DIP2A: variants seen among roughly 807,000 people sequenced by gnomAD.
The protein encoded by DIP2A is DIP2 acetate--CoA ligase A, also known as disco-interacting protein 2 homolog A.
A neutral mutation model predicts 177.4 loss-of-function variants in DIP2A; 85 were observed. That is an observed-to-expected ratio of 0.48 (90% CI 0.40 to 0.57). DIP2A has a LOEUF of 0.57. Ranked by LOEUF, DIP2A falls within the 20% of genes least tolerant of loss-of-function variation. The pLI is 0.00. For synonymous variants in DIP2A, 886 were observed against 881.8 expected (o/e 1.00, Z -0.08); for missense variants, 1,791 against 2,100.2 (o/e 0.85, Z 2.88).
the DIP2A span, among the ~76,000 whole-genome samples, chr21:46,576,786 G>A: frequency 1.3e-5 from 2 of 152,126 alleles, no homozygotes; most frequent in Non-Finnish European, 2.9e-5. Flanking sequence ...ACCAGCATCT[G>A]TTGTTTTTTG....
chr21:46,468,289 G>A (rs973426445), intron 1 of DIP2A, among the ~76,000 whole-genome samples: 1 of 148,818 alleles, frequency 6.7e-6, no homozygotes, highest in African/African-American at 2.5e-5. Flanking sequence ...AAAGCTGGGT[G>A]TGGTGGTGCA....
chr21:46,469,592 G>T (rs933503409), intron 1 of DIP2A, among the ~76,000 whole-genome samples: 19 of 152,342 alleles, frequency 1.2e-4, no homozygotes, highest in Admixed American at 4.6e-4. Context: ...TCATCGCCAT[G>T]CTGTGGGTCC....
At chr21:46,521,825 A>T (rs1464848496) in intron 8 of DIP2A, among the ~76,000 whole-genome samples, 1 of 152,190 alleles carries the variant, frequency 6.6e-6, no homozygotes, top group Non-Finnish European at 1.5e-5. Context: ...ACTTGCTCAA[A>T]CCTTCAGCAT....
At position 46,556,722 on chromosome 21, in the gene DIP2A, C is replaced by T. The variant is rs111741145; in HGVS notation, c.3499-217C>T. ...GAAAAAAATTTTAAAAATTCATTAC[C>T]CTGAAATTTTGTTTCAAAGATTTTT... On this transcript the variant is annotated intron_variant, in intron 29 of 37. Coordinates refer to ENST00000417564, the MANE Select transcript of DIP2A (RefSeq NM_015151.4). This position sits in a 1 kb window ranked among gnomAD's most constrained non-coding sequence, Gnocchi z 4.5. The T allele has an allele frequency of 1.6e-4, 83 of 531,032 alleles. No individual in the cohort carries two copies. Among genetic ancestry groups the T allele is most frequent in the African/African-American group, 1.3e-3 (69 of 51,952 alleles). 32.9% of individuals were successfully genotyped at this position (531,032 alleles called of 1,614,324 possible).
chr21:46,511,437 C>T lies in DIP2A; in HGVS notation c.925C>T (p.Gln309Ter), dbSNP rs1298994657. The T allele has an allele frequency of 6.2e-7, 1 of 1,611,004 alleles. No homozygotes were observed. The stretch of plus-strand genomic sequence containing the variant: ...TGTAGTTCAGCAACCAGATCCAAAT[C>T]AGCCAAAGCCTGAGGGAAGCGAGAC... The part of the protein sequence containing the change: ...LLEVQQPDPN[Q>*]PKPEGSETSV... The change falls in exon 8 of 38, where the codon CAG becomes TAG. Residue 309 changes from glutamine (Q) to a stop codon, truncating the protein, a stop_gained. Coordinates refer to ENST00000417564, the MANE Select transcript of DIP2A (RefSeq NM_015151.4). LOFTEE classifies it high-confidence loss of function.
At chr21:46,542,962 T>C (rs963341658) in intron 18 of DIP2A, among the ~76,000 whole-genome samples, 19 of 152,240 alleles carry the variant, frequency 1.2e-4, no homozygotes, top group Non-Finnish European at 2.9e-5. Flanking sequence ...CAGCCATCTC[T>C]AACCTGGAGC....
At chr21:46,517,638 A>G (rs1052569945) in intron 8 of DIP2A, among the ~76,000 whole-genome samples, 3 of 152,008 alleles carry the variant, frequency 2.0e-5, no homozygotes, top group African/African-American at 7.2e-5. Context: ...CTTCTTAACA[A>G]CCCCATTCTG....
chr21:46,492,740 A>C (rs1227248352), intron 3 of DIP2A, among the ~76,000 whole-genome samples: 1 of 152,184 alleles, frequency 6.6e-6, no homozygotes, highest in African/African-American at 2.4e-5. Flanking sequence ...AAGCAGGCGG[A>C]GACCAGCCTG....
At chr21:46,488,610 G>T (rs978821925) in intron 2 of DIP2A, among the ~76,000 whole-genome samples, 1 of 152,196 alleles carries the variant, frequency 6.6e-6, no homozygotes, top group Admixed American at 6.5e-5. Flanking sequence ...CTCAGTGGTA[G>T]ATATGGAAAT....
intron 1 of DIP2A, among the ~76,000 whole-genome samples, chr21:46,473,469 G>A (rs970783899): frequency 1.4e-5 from 2 of 138,494 alleles, no homozygotes; most frequent in African/African-American, 2.8e-5. Flanking sequence ...AAAAAAAAAG[G>A]GGGGGGGGCC....
chr21:46,533,736 T>G, intron 11 of DIP2A, 89 bp downstream of exon 11: 1 of 1,555,740 alleles, frequency 6.4e-7, no homozygotes, highest in South Asian at 1.2e-5. Flanking sequence ...ATGACAGAGG[T>G]GTCTGGGTCT....
chr21:46,554,589 G>A lies in DIP2A; in HGVS notation c.3169G>A (p.Ala1057Thr). 6.2e-7 allele frequency: 1 copy of A among 1,611,868 alleles called. No homozygotes were observed. The highest frequency in any genetic ancestry group is 2.2e-5 in the East Asian group (1 of 44,814). Residue 1057 changes from alanine to threonine, a missense_variant, in exon 27 of 38, where the codon GCC (alanine) becomes ACC (threonine). Transcript: ENST00000417564. Reference sequence around the variant, plus strand: ...TGTCTCCACAGGGGTGGACCTCATTGCCGCGTTCTATGGCTGCTTGTACTG... The same window carrying A: ...TGTCTCCACAGGGGTGGACCTCATTACCGCGTTCTATGGCTGCTTGTACTG... ...LVYPPGVDLI[A>T]AFYGCLYCGC...
rs75343311 is a variant in DIP2A, at chr21:46,522,651, A to G, written c.1103-6441A>G. 6.1e-3 allele frequency among the ~76,000 whole-genome samples: 930 copies of G among 152,288 alleles called. 10 individuals are homozygous for G. Among genetic ancestry groups the G allele is most frequent in the African/African-American group, 0.021 (890 of 41,552 alleles). Reference sequence around the variant, plus strand: ...AACTGCCATTAGCTACCCCCAAAGTATATTTCCTCCCTAGTTATTACACCA... The same window carrying G: ...AACTGCCATTAGCTACCCCCAAAGTGTATTTCCTCCCTAGTTATTACACCA... On this transcript the variant is annotated intron_variant, in intron 8 of 37. Coordinates refer to ENST00000417564, the MANE Select transcript of DIP2A (RefSeq NM_015151.4).
At position 46,537,953 on chromosome 21, in the gene DIP2A, C is replaced by T. The variant is rs1417008696; in HGVS notation, c.1801+414C>T. The stretch of plus-strand genomic sequence containing the variant: ...CACCCATGTTGCCTTGTTCTACCTA[C>T]TGGGCTGTGCCCCTCTAGACATGTC... On this transcript the variant is annotated intron_variant, in intron 15 of 37. Transcript: ENST00000417564. The surrounding 1 kb of genome is among the most constrained non-coding windows in gnomAD (Gnocchi z 4.1). 6.6e-6 allele frequency among the ~76,000 whole-genome samples: 1 copy of T among 152,214 alleles called. No individual in the cohort carries two copies. The highest frequency in any genetic ancestry group is 1.9e-4 in the East Asian group (1 of 5,188).
At chr21:46,506,508 C>T (rs2057990456) in intron 6 of DIP2A, among the ~76,000 whole-genome samples, 1 of 152,148 alleles carries the variant, frequency 6.6e-6, no homozygotes, top group African/African-American at 2.4e-5. Context: ...GTATCAGTTC[C>T]TCCACACCCT....
rs778399012 is a variant in DIP2A, at chr21:46,498,680, G to A, written c.502G>A (p.Asp168Asn). The A allele has an allele frequency of 4.2e-5, 67 of 1,613,570 alleles. No individual in the cohort carries two copies. The East Asian group carries it at 1.0e-3, about 24-fold the overall frequency. The change falls in exon 5 of 38, where the codon GAC (aspartate) becomes AAC (asparagine). Residue 168 changes from aspartate to asparagine, a missense_variant. Transcript: ENST00000417564. The surrounding 1 kb of genome is among the most constrained non-coding windows in gnomAD (Gnocchi z 4.3). ...CCATTCCAGCGTCGAGCCCTGGCTC[G>A]ACCGGGTCATTCAGGGCTCGTCCAC... ...QSHSSVEPWL[D>N]RVIQGSSTSS...
intron 9 of DIP2A, among the ~76,000 whole-genome samples, chr21:46,529,403 C>G (rs2059260442): frequency 6.6e-6 from 1 of 152,028 alleles, no homozygotes; most frequent in Non-Finnish European, 1.5e-5. Context: ...AGTTTGAGAC[C>G]AGCCTGGGCA....
downstream of DIP2A, among the ~76,000 whole-genome samples, chr21:46,571,117 C>G (rs771122096): frequency 6.6e-6 from 1 of 152,314 alleles, no homozygotes; most frequent in Non-Finnish European, 1.5e-5. Context: ...CCTGTCAGAT[C>G]AGTGGTGACA....
At chr21:46,538,338 G>A in intron 15 of DIP2A, 145 bp from the exon 16 acceptor site, 2 of 1,226,602 alleles carry the variant, frequency 1.6e-6, no homozygotes, top group East Asian at 2.7e-5. Flanking sequence ...AGAGACGGCT[G>A]CAGAGAGCTT....
Sources: gnomAD v4.1 joint callset for allele counts (sites outside exome capture counted in the v4.1 genomes callset) on GRCh38, gnomAD v4.1.1 for gene constraint, Gnocchi (gnomAD v3.1) non-coding constraint, MANE v1.5 for transcripts, NCBI Gene and HGNC (gene_info 2026-07-23, HGNC 2026-07-21) for gene names.